The following PRKCA variants were observed in gnomAD, a reference collection of about 807,000 sequenced individuals.
PRKCA encodes protein kinase C alpha, also known as protein kinase C alpha type.
PRKCA carries 27 observed loss-of-function variants against 87.0 expected under a neutral mutation model. The ratio of observed to expected loss-of-function variants is 0.31; its 90% CI spans 0.23 to 0.43. The LOEUF (loss-of-function observed/expected upper bound fraction) is 0.43. Ranked by LOEUF, PRKCA falls within the 20% of genes least tolerant of loss-of-function variation. PRKCA has a pLI of 1.00. For missense variants in PRKCA, 518 were observed against 852.3 expected, an observed-to-expected ratio of 0.61 and a Z score of 4.88; for synonymous variants, 329 against 311.1, an observed-to-expected ratio of 1.06 and a Z score of -0.61.
intron 5 of PRKCA, among the ~76,000 whole-genome samples, chr17:66,647,177 C>A (rs1047567210): frequency 2.0e-5 from 3 of 152,108 alleles, no homozygotes; most frequent in Non-Finnish European, 4.4e-5. Context: ...CCTACTAAGG[C>A]TTCCACATTG....
chr17:66,368,489 C>T (rs564173529), intron 2 of PRKCA, among the ~76,000 whole-genome samples: 2 of 145,072 alleles, frequency 1.4e-5, no homozygotes, highest in East Asian at 2.1e-4. Context: ...CTCCCAGGCT[C>T]AAGTGATCCT....
intron 2 of PRKCA, among the ~76,000 whole-genome samples, chr17:66,452,452 T>A (rs1914372855): frequency 6.6e-6 from 1 of 152,182 alleles, no homozygotes; most frequent in South Asian, 2.1e-4. Context: ...GAAGTGCAGC[T>A]GTGTATAGCG....
At position 66,738,844 on chromosome 17, in the gene PRKCA, A is replaced by C. The variant is rs1396470503; in HGVS notation, c.1311A>C (p.Glu437Asp). The C allele has an allele frequency of 6.2e-7, 1 of 1,612,224 alleles. No individual in the cohort carries two copies. The highest frequency in any genetic ancestry group is 8.5e-7 in the Non-Finnish European group (1 of 1,178,590). ...YHIQQVGKFK[E>D]PQAVFYAAEI... The stretch of plus-strand genomic sequence containing the variant: ...TTCAGCAAGTAGGAAAATTTAAGGA[A>C]CCACAAGCAGTGTGAGTATTATTTT... The change falls in exon 11 of 17, where the codon GAA becomes GAC. Residue 437 changes from glutamate to aspartate, a missense_variant. Coordinates refer to ENST00000413366, the MANE Select transcript of PRKCA (RefSeq NM_002737.3).
chr17:66,802,895 T>C (rs956319529), intron 16 of PRKCA, among the ~76,000 whole-genome samples: 2 of 152,240 alleles, frequency 1.3e-5, no homozygotes, highest in East Asian at 3.8e-4. Context: ...AGGGCAGTAA[T>C]TGGCAGCATC....
intron 2 of PRKCA, among the ~76,000 whole-genome samples, chr17:66,343,133 T>G (rs1302198229): frequency 6.6e-6 from 1 of 152,092 alleles, no homozygotes; most frequent in Non-Finnish European, 1.5e-5. Context: ...TTTCCAAAAT[T>G]AGGGGAGAGG....
chr17:66,312,706 T>G (rs1905139595), intron 2 of PRKCA, among the ~76,000 whole-genome samples: 1 of 151,648 alleles, frequency 6.6e-6, no homozygotes, highest in Non-Finnish European at 1.5e-5. Context: ...ATTGTCCTAT[T>G]CTACATGTTC....
intron 3 of PRKCA, among the ~76,000 whole-genome samples, chr17:66,515,867 T>C (rs879213092): frequency 6.6e-6 from 1 of 152,194 alleles, no homozygotes; most frequent in African/African-American, 2.4e-5. Context: ...TTTTGTTTTT[T>C]GTTTTTCTTA....
At chr17:66,459,072 T>TA (rs900584988) in intron 2 of PRKCA, among the ~76,000 whole-genome samples, 138 of 146,954 alleles carry the variant, frequency 9.4e-4, no homozygotes, top group African/African-American at 1.7e-3. Context: ...TATTGTTAAG[T>TA]AAAAAAAAAA....
At chr17:66,367,333 A>G (rs751063697) in intron 2 of PRKCA, among the ~76,000 whole-genome samples, 11 of 152,364 alleles carry the variant, frequency 7.2e-5, no homozygotes, top group Non-Finnish European at 1.0e-4. Context: ...CCCTGGTCAC[A>G]CCTGTGGATA....
intron 8 of PRKCA, among the ~76,000 whole-genome samples, chr17:66,707,883 G>A (rs1973228965): frequency 6.6e-6 from 1 of 152,172 alleles, no homozygotes; most frequent in Non-Finnish European, 1.5e-5. Context: ...AGTATCTCCA[G>A]CTCTTGAGAT....
chr17:66,680,996 A>G (rs552172521), intron 5 of PRKCA, among the ~76,000 whole-genome samples: 41 of 152,322 alleles, frequency 2.7e-4, no homozygotes, highest in African/African-American at 9.6e-4. Flanking sequence ...TGGGAGGCCA[A>G]GGTGGGTGGA....
intron 2 of PRKCA, among the ~76,000 whole-genome samples, chr17:66,469,619 A>T (rs1183276191): frequency 1.3e-5 from 2 of 152,212 alleles, no homozygotes; most frequent in Non-Finnish European, 2.9e-5. Flanking sequence ...CTTGTAAAGG[A>T]CATTTTACAT....
chr17:66,487,339 A>G (rs1313243965), intron 2 of PRKCA, among the ~76,000 whole-genome samples: 1 of 152,204 alleles, frequency 6.6e-6, no homozygotes, highest in African/African-American at 2.4e-5. Context: ...ATGTTGCTGC[A>G]AATGATAGGA....
At chr17:66,306,226 A>ATGTTATTT in intron 2 of PRKCA, 99 bp downstream of exon 2, 1 of 1,321,778 alleles carries the variant, frequency 7.6e-7, no homozygotes, top group South Asian at 1.3e-5. Context: ...CAATAAAAAA[A>ATGTTATTT]TGTTATTTAG....
In PRKCA at chr17:66,312,732, C is replaced by CTTTTT. The variant is rs536411779; in HGVS notation, c.205+6621_205+6625dup. ...CTACATGTTCTTCCTATCGTAGGAC[C>CTTTTT]TTTTTTTTTTTTTTTTTTTTGTGAG... On this transcript the variant is annotated intron_variant, in intron 2 of 16. Transcript: ENST00000413366. 4.9e-4 allele frequency among the ~76,000 whole-genome samples: 52 copies of CTTTTT among 106,354 alleles called. 2 individuals are homozygous for CTTTTT. Among genetic ancestry groups the CTTTTT allele is most frequent in the East Asian group, 5.6e-4 (2 of 3,546 alleles). The allele number at this position is 106,354 out of a possible 152,430, so 69.8% of individuals were successfully genotyped here.
At position 66,681,611 on chromosome 17, in the gene PRKCA, C is replaced by T. The variant is rs552213645; in HGVS notation, c.530-5500C>T. Among the ~76,000 whole-genome samples, 15 of 152,286 alleles carry T rather than the reference C, an allele frequency of 9.8e-5. No homozygotes were observed. The East Asian group carries it at 1.7e-3, about 18-fold the overall frequency. ...TAGTTCCACAGCAACCCTATGGGTT[C>T]GGCACTGTTATTTTCCCTGTTTTAC... On this transcript the variant is annotated intron_variant, in intron 5 of 16. Coordinates refer to ENST00000413366, the MANE Select transcript of PRKCA (RefSeq NM_002737.3).
intron 2 of PRKCA, among the ~76,000 whole-genome samples, chr17:66,495,573 C>A (rs373216841): frequency 2.1e-5 from 1 of 47,936 alleles, no homozygotes; most frequent in Non-Finnish European, 5.6e-5. Flanking sequence ...TTTTTTGAGA[C>A]GGAGTTTCAC....
intron 14 of PRKCA, chr17:66,774,372 G>A (rs1306060756): frequency 2.6e-6 from 3 of 1,160,924 alleles, no homozygotes; most frequent in Non-Finnish European, 3.2e-6. Flanking sequence ...TATAATCCCA[G>A]CACTTTCAGA....
intron 2 of PRKCA, among the ~76,000 whole-genome samples, chr17:66,443,954 T>A (rs1386142054): frequency 6.6e-6 from 1 of 152,108 alleles, no homozygotes; most frequent in Non-Finnish European, 1.5e-5. Flanking sequence ...GCTTCGGACC[T>A]GGGCAGACTT....
Sources: gnomAD v4.1 joint callset for allele counts (sites outside exome capture counted in the v4.1 genomes callset) on GRCh38, gnomAD v4.1.1 for gene constraint, MANE v1.5 for transcripts, NCBI Gene and HGNC (gene_info 2026-07-23, HGNC 2026-07-21) for gene names.